The following CDH18 variants were observed in gnomAD, a reference collection of about 807,000 sequenced individuals.
CDH18 encodes cadherin 18.
A neutral mutation model predicts 67.9 loss-of-function variants in CDH18; 31 were observed. That is an observed-to-expected ratio of 0.46 (90% CI 0.34 to 0.62). The LOEUF (loss-of-function observed/expected upper bound fraction) is 0.62, where lower values mean the gene tolerates loss of function less well. Among genes scored for constraint, CDH18 ranks in the 20% least tolerant of loss-of-function variants. CDH18 has a pLI of 0.01. For synonymous variants in CDH18, 362 were observed against 347.2 expected, an observed-to-expected ratio of 1.04 and a Z score of -0.48; for missense variants, 890 against 975.5, an observed-to-expected ratio of 0.91 and a Z score of 1.17.
At chr5:20,140,552 T>C (rs1004269164) in intron 2 of CDH18, among the ~76,000 whole-genome samples, 1 of 152,040 alleles carries the variant, frequency 6.6e-6, no homozygotes, top group Non-Finnish European at 1.5e-5. Context: ...AGTCCTGAGG[T>C]GTTTTTCACT....
chr5:19,586,162 T>C (rs756411517), intron 7 of CDH18, among the ~76,000 whole-genome samples: 53 of 152,202 alleles, frequency 3.5e-4, no homozygotes, highest in Non-Finnish European at 6.3e-4. Flanking sequence ...TTGCTGCTAC[T>C]ATTTTTTTCT....
At chr5:20,372,784 G>A (rs536432288) in intron 1 of CDH18, among the ~76,000 whole-genome samples, 1 of 152,118 alleles carries the variant, frequency 6.6e-6, no homozygotes, top group Non-Finnish European at 1.5e-5. Flanking sequence ...GATTTTTATT[G>A]ATTTTTAGTG....
intron 10 of CDH18, among the ~76,000 whole-genome samples, chr5:19,513,900 G>A (rs755723142): frequency 1.3e-5 from 2 of 151,932 alleles, no homozygotes; most frequent in Non-Finnish European, 2.9e-5. Flanking sequence ...ACAACATGCA[G>A]GTTTGTTACA....
chr5:19,526,775 A>T (rs1159518653), intron 9 of CDH18, among the ~76,000 whole-genome samples: 1 of 152,010 alleles, frequency 6.6e-6, no homozygotes, highest in Admixed American at 6.6e-5. Context: ...TATTTGTCAA[A>T]TATATAAATA....
chr5:20,566,532 T>A (rs1440400297), intron 1 of CDH18, among the ~76,000 whole-genome samples: 2 of 142,708 alleles, frequency 1.4e-5, no homozygotes, highest in African/African-American at 5.3e-5. Flanking sequence ...GCTAATTTTT[T>A]TTTTTTTTTT....
At chr5:20,519,069 C>T (rs1053392778) in intron 1 of CDH18, among the ~76,000 whole-genome samples, 1 of 152,214 alleles carries the variant, frequency 6.6e-6, no homozygotes, top group African/African-American at 2.4e-5. Context: ...GGAGATGATA[C>T]AAATTTTCAA....
At chr5:19,842,048 T>G (rs1268906067) in intron 2 of CDH18, among the ~76,000 whole-genome samples, 1 of 152,212 alleles carries the variant, frequency 6.6e-6, no homozygotes, top group Non-Finnish European at 1.5e-5. Flanking sequence ...CATCTCTGCA[T>G]AAGTTAGAAA....
chr5:19,725,283 C>A (rs1448777302), intron 4 of CDH18, among the ~76,000 whole-genome samples: 1 of 152,076 alleles, frequency 6.6e-6, no homozygotes, highest in Non-Finnish European at 1.5e-5. Flanking sequence ...GATATTCAAG[C>A]CTCCAACTTA....
chr5:20,019,695 T>C (rs1738227738), intron 2 of CDH18, among the ~76,000 whole-genome samples: 1 of 152,206 alleles, frequency 6.6e-6, no homozygotes, highest in Non-Finnish European at 1.5e-5. Context: ...TAAAACACTT[T>C]TCTTTATAAA....
intron 1 of CDH18, among the ~76,000 whole-genome samples, chr5:20,365,926 G>T (rs10941700): frequency 0.079 from 11,978 of 152,026 alleles, 643 homozygotes; most frequent in South Asian, 0.17. Flanking sequence ...ATGTGCCGTT[G>T]GCCTTCCATT....
intron 2 of CDH18, among the ~76,000 whole-genome samples, chr5:20,178,939 T>C (rs1342435237): frequency 1.3e-5 from 2 of 152,048 alleles, no homozygotes; most frequent in Non-Finnish European, 2.9e-5. Context: ...ATTATTACTT[T>C]CAAGAGGGAG....
intron 2 of CDH18, among the ~76,000 whole-genome samples, chr5:19,881,077 G>T (rs1229193939): frequency 6.6e-6 from 1 of 152,094 alleles, no homozygotes; most frequent in Admixed American, 6.6e-5. Context: ...AGAGGTGAGA[G>T]AGTTTATTAA....
rs552977110 is a variant in CDH18, at chr5:20,270,711, T to C, written c.-579-15206A>G. 2.6e-5 allele frequency among the ~76,000 whole-genome samples: 4 copies of C among 152,224 alleles called. No homozygotes were observed. The South Asian group carries it at 8.3e-4, about 32-fold the overall frequency. ...ATGTTCATTACAGCCCTATTCACAA[T>C]AGCTAAGACATGGAATCAACCTAAA... On this transcript the variant is annotated intron_variant, in intron 1 of 14. Transcript: ENST00000507958.
chr5:20,096,613 T>C (rs184039132), intron 2 of CDH18, among the ~76,000 whole-genome samples: 1 of 152,260 alleles, frequency 6.6e-6, no homozygotes, highest in African/African-American at 2.4e-5. Context: ...TGTTCTAAGA[T>C]ATTAGCATTT....
Position 20,086,218 on chromosome 5 carries a change from C to T in CDH18, c.-517-94204G>A, listed in dbSNP as rs1235035042. Among the ~76,000 whole-genome samples the T allele has an allele frequency of 2.0e-5, 3 of 152,112 alleles. No homozygotes were observed. The East Asian group carries it at 5.8e-4, about 29-fold the overall frequency. On this transcript the variant is annotated intron_variant, in intron 2 of 14. Coordinates refer to the CDH18 transcript ENST00000507958. ...GACAAAGCCTAATCCAGTGCAAGAC[C>T]CTAACTCTCTGAAATGTTATGAAGG... is the stretch of plus-strand genomic sequence containing the variant.
chr5:19,744,503 TACACACACAC>T lies in CDH18; in HGVS notation c.523+2429_523+2438del, dbSNP rs34059092. On this transcript the variant is annotated intron_variant, in intron 4 of 12. Transcript: ENST00000382275. ...AATATCCATTTGTATTAACTCAGTGTACACACACACACACACACACACACACACACACACA... is the reference window on the plus strand; with the variant it reads ...AATATCCATTTGTATTAACTCAGTGTACACACACACACACACACACACACA... Among the ~76,000 whole-genome samples, 254 of 146,362 alleles carry T rather than the reference TACACACACAC, an allele frequency of 1.7e-3. No homozygotes were observed. In the East Asian group the frequency reaches 0.02, roughly 11 times the overall value.
intron 9 of CDH18, among the ~76,000 whole-genome samples, chr5:19,524,785 G>A (rs1048261715): frequency 2.0e-5 from 3 of 151,786 alleles, no homozygotes; most frequent in African/African-American, 7.3e-5. Flanking sequence ...TCGCTCTGTC[G>A]CCCAGGCTGG....
At chr5:19,506,645 G>T (rs543544883) in intron 10 of CDH18, among the ~76,000 whole-genome samples, 28 of 152,264 alleles carry the variant, frequency 1.8e-4, no homozygotes, top group African/African-American at 6.7e-4. Flanking sequence ...GCAAAAACAA[G>T]AAATGGGGAA....
intron 1 of CDH18, among the ~76,000 whole-genome samples, chr5:20,281,087 T>G (rs1746227413): frequency 6.6e-6 from 1 of 152,298 alleles, no homozygotes; most frequent in African/African-American, 2.4e-5. Flanking sequence ...GTTTGAGTTC[T>G]TTGTGGATTC....
Sources: allele counts gnomAD v4.1 joint callset (sites outside exome capture counted in the v4.1 genomes callset), GRCh38; gene constraint gnomAD v4.1.1; transcripts MANE v1.5; gene names NCBI Gene and HGNC (gene_info 2026-07-23, HGNC 2026-07-21).